The following INVS variants were observed in gnomAD, a reference collection of about 807,000 sequenced individuals.
INVS encodes the protein inversin, also known as inversion of embryo turning homolog.
A neutral mutation model predicts 108.8 loss-of-function variants in INVS; 86 were observed. The observed-to-expected ratio is 0.79, with a 90% CI of 0.66 to 0.95. The LOEUF is 0.95. Ranked by LOEUF, INVS falls within the 40% of genes least tolerant of loss-of-function variation. The pLI is 0.00. For missense variants in INVS, 1,169 were observed against 1,297.4 expected (o/e 0.90, Z 1.52); for synonymous variants, 455 against 473.5 (o/e 0.96, Z 0.51).
intron 3 of INVS, among the ~76,000 whole-genome samples, chr9:100,178,040 A>G (rs544445258): frequency 6.6e-6 from 1 of 152,340 alleles, no homozygotes; most frequent in East Asian, 1.9e-4. Context: ...TAGGGGCCTG[A>G]CTATTAGAAG....
At chr9:100,240,772 G>A (rs889727265) in intron 6 of INVS, among the ~76,000 whole-genome samples, 3 of 151,960 alleles carry the variant, frequency 2.0e-5, no homozygotes, top group African/African-American at 7.2e-5. Flanking sequence ...ATTGTTATAA[G>A]ATAAATAATC....
rs143771284 is a variant in INVS, at chr9:100,258,632, T to C, written c.1464+5496T>C. On this transcript the variant is annotated intron_variant, in intron 10 of 16. Coordinates refer to ENST00000262457, the MANE Select transcript of INVS (RefSeq NM_014425.5). ...CCTTTCTGTTTGTTAGTTTTCCTTC[T>C]AACAGTCAGGACCCTTAGCTGCAGG... is the stretch of plus-strand genomic sequence containing the variant. Among the ~76,000 whole-genome samples, 523 of 152,316 alleles carry C rather than the reference T, an allele frequency of 3.4e-3. 1 individual carries two copies. Among genetic ancestry groups the C allele is most frequent in the African/African-American group, 0.012 (495 of 41,554 alleles).
chr9:100,175,893 A>G, intron 3 of INVS: 1 of 598,448 alleles, frequency 1.7e-6, no homozygotes, highest in Non-Finnish European at 3.2e-6. Flanking sequence ...CAAGTCCTGC[A>G]TGCGGTTCCA....
intron 10 of INVS, among the ~76,000 whole-genome samples, chr9:100,256,522 A>G (rs1470350672): frequency 6.6e-6 from 1 of 152,142 alleles, no homozygotes; most frequent in Non-Finnish European, 1.5e-5. Context: ...TGTCAATTTT[A>G]GATCTTTCCT....
At position 100,229,764 on chromosome 9, in the gene INVS, C is replaced by A. The variant is rs2118428693; in HGVS notation, c.552C>A (p.Ile184=). The change falls in exon 5 of 17, where the codon ATC becomes ATA. Residue 184 remains isoleucine (I), a synonymous_variant. Coordinates refer to ENST00000262457, the MANE Select transcript of INVS (RefSeq NM_014425.5). The part of the protein sequence containing the change: ...NIGIPDVEGK[I]PLHWAANHKD... ...GGATTCCTGATGTTGAAGGCAAGAT[C>A]CCACTTCACTGGGCAGCCAACCATA... 1 of 1,614,128 alleles carries A rather than the reference C, an allele frequency of 6.2e-7. No homozygotes were observed. Among genetic ancestry groups the A allele is most frequent in the Non-Finnish European group, 8.5e-7 (1 of 1,180,008 alleles).
chr9:100,226,407 C>T (rs1831323142), intron 4 of INVS, among the ~76,000 whole-genome samples, 172 bp downstream of exon 4: 1 of 152,150 alleles, frequency 6.6e-6, no homozygotes, highest in South Asian at 2.1e-4. Context: ...TCATTTTATC[C>T]TCTCAGCAAC....
chr9:100,212,765 A>G lies in INVS; in HGVS notation c.274-13297A>G, dbSNP rs141890926. Among the ~76,000 whole-genome samples, 48 of 152,190 alleles carry G rather than the reference A, an allele frequency of 3.2e-4. No individual in the cohort carries two copies. The East Asian group carries it at 9.1e-3, about 29-fold the overall frequency. ...AACCCCCTTACTGCTCTGCTTGCCTAAAGATTTTTTCCCCTCAAATCAGTG... is the reference window on the plus strand; with the variant it reads ...AACCCCCTTACTGCTCTGCTTGCCTGAAGATTTTTTCCCCTCAAATCAGTG... On this transcript the variant is annotated intron_variant, in intron 3 of 16. Coordinates refer to ENST00000262457, the MANE Select transcript of INVS (RefSeq NM_014425.5).
chr9:100,205,537 CAA>C (rs1564157912), intron 3 of INVS, among the ~76,000 whole-genome samples: 1 of 151,952 alleles, frequency 6.6e-6, no homozygotes. Flanking sequence ...ATACTTGAAA[CAA>C]GAGTAATATA....
At chr9:100,261,737 TTTC>T (rs1447047145) in intron 10 of INVS, among the ~76,000 whole-genome samples, 1 of 152,240 alleles carries the variant, frequency 6.6e-6, no homozygotes, top group Admixed American at 6.5e-5. Flanking sequence ...AACATTTTTA[TTTC>T]TTCATTTCCA....
rs1008234237 is a variant in INVS at position 100,116,709 on chromosome 9, A to T, written c.107-9674A>T. 8.0e-6 allele frequency: 5 copies of T among 625,884 alleles called. No individual in the cohort carries two copies. In the South Asian group the frequency reaches 3.3e-4, roughly 41 times the overall value. The allele number at this position is 625,884 out of a possible 1,614,324, so 38.8% of individuals were successfully genotyped here. ...TAGTTATAGGTTTTATTTATTTTTTATTTTTTTAACAGGCTTTATTCACTT... is the reference window on the plus strand; with the variant it reads ...TAGTTATAGGTTTTATTTATTTTTTTTTTTTTTAACAGGCTTTATTCACTT... On this transcript the variant is annotated intron_variant, in intron 2 of 16. Coordinates refer to ENST00000262457, the MANE Select transcript of INVS (RefSeq NM_014425.5).
At chr9:100,222,237 G>A (rs766309356) in intron 3 of INVS, among the ~76,000 whole-genome samples, 9 of 152,034 alleles carry the variant, frequency 5.9e-5, no homozygotes, top group Non-Finnish European at 1.3e-4. Context: ...CATCTACTGA[G>A]CATTTGCTTT....
intron 1 of INVS, among the ~76,000 whole-genome samples, chr9:100,100,820 A>T (rs867836557): frequency 0.082 from 1,094 of 13,396 alleles, 414 homozygotes; most frequent in Middle Eastern, 0.33. Flanking sequence ...TAATATATAT[A>T]ATATATGTAT....
At chr9:100,148,432 T>C (rs1352139877) in intron 3 of INVS, among the ~76,000 whole-genome samples, 1 of 152,050 alleles carries the variant, frequency 6.6e-6, no homozygotes, top group African/African-American at 2.4e-5. Context: ...TTAATAGAAA[T>C]AGACATGTTT....
rs772783995 is a variant in INVS at position 100,292,776 on chromosome 9, T to C, written c.2519T>C (p.Leu840Pro). Residue 840 changes from leucine to proline, a missense_variant, in exon 14 of 17, where the codon CTC becomes CCC. Leu to Pro is a moderately conservative substitution (Grantham distance 98, BLOSUM62 -3). Around this residue, in one of 3 missense-constraint regions of INVS, gnomAD observed 533 missense variants for 536.0 expected, o/e 0.99. Coordinates refer to ENST00000262457, the MANE Select transcript of INVS (RefSeq NM_014425.5). Reference protein sequence around the residue: ...TPRNKVTQAKLTGGLYSHLPQ... With the variant: ...TPRNKVTQAKPTGGLYSHLPQ... ...AGAAACAAAGTGACACAAGCCAAGCTCACAGGAGGGCTCTATTCACATTTG... is the reference window on the plus strand; with the variant it reads ...AGAAACAAAGTGACACAAGCCAAGCCCACAGGAGGGCTCTATTCACATTTG... The C allele has an allele frequency of 5.0e-6, 8 of 1,613,830 alleles. No homozygotes were observed. Among genetic ancestry groups the C allele is most frequent in the Non-Finnish European group, 6.8e-6 (8 of 1,179,986 alleles).
At chr9:100,264,767 C>A in intron 10 of INVS, 55 bp from the exon 11 acceptor site, 1 of 1,175,598 alleles carries the variant, frequency 8.5e-7, no homozygotes, top group Non-Finnish European at 1.3e-6. Context: ...CATAAATAAC[C>A]ACATATCCAA....
chr9:100,220,237 G>A lies in INVS; in HGVS notation c.274-5825G>A, dbSNP rs563425765. ...GTTTCCCAGATTCCTTTCAAGTGCT[G>A]TTCTCTGGGTCAGAGAACTTTTAAT... On this transcript the variant is annotated intron_variant, in intron 3 of 16. Transcript: ENST00000262457. Among the ~76,000 whole-genome samples the A allele has an allele frequency of 1.6e-4, 24 of 152,082 alleles. No individual in the cohort carries two copies. The South Asian group carries it at 3.3e-3, about 21-fold the overall frequency.
intron 2 of INVS, among the ~76,000 whole-genome samples, chr9:100,116,058 A>AT (rs1827511976): frequency 1.4e-5 from 2 of 146,176 alleles, no homozygotes; most frequent in Non-Finnish European, 3.0e-5. Flanking sequence ...GGTGATGAGC[A>AT]TTTTTTCATG....
chr9:100,235,190 T>A (rs1181233033), intron 5 of INVS, among the ~76,000 whole-genome samples: 2 of 151,544 alleles, frequency 1.3e-5, no homozygotes, highest in Non-Finnish European at 2.9e-5. Flanking sequence ...TTGCAACCCC[T>A]GCTTTTTTTT....
At chr9:100,257,856 C>T (rs1318683808) in intron 10 of INVS, among the ~76,000 whole-genome samples, 1 of 152,288 alleles carries the variant, frequency 6.6e-6, no homozygotes, top group East Asian at 1.9e-4. Context: ...TCCTTCATTT[C>T]AACTTTGGTG....
Sources: gnomAD v4.1 joint callset for allele counts (sites outside exome capture counted in the v4.1 genomes callset) on GRCh38, gnomAD v4.1.1 for gene constraint, gnomAD v4.1.1 regional missense constraint, MANE v1.5 for transcripts, NCBI Gene and HGNC (gene_info 2026-07-23, HGNC 2026-07-21) for gene names.